The following BCHE variants were observed in gnomAD, a reference collection of about 807,000 sequenced individuals.
The protein encoded by BCHE is butyrylcholinesterase, also known as cholinesterase.
Under a neutral mutation model 51.3 loss-of-function variants are expected in BCHE, and 48 were observed. That is an observed-to-expected ratio of 0.94 (90% confidence interval 0.74 to 1.19). The LOEUF (loss-of-function observed/expected upper bound fraction) is 1.19, where lower values mean the gene tolerates loss of function less well. BCHE is among the 50% of genes most tolerant of loss of function. The pLI is 0.00. For missense variants in BCHE, 847 were observed against 708.2 expected, an observed-to-expected ratio of 1.20 and a Z score of -2.23; for synonymous variants, 251 against 238.0, an observed-to-expected ratio of 1.05 and a Z score of -0.50.
At chr3:165,826,215 G>C (rs1714715592) in intron 2 of BCHE, among the ~76,000 whole-genome samples, 1 of 152,048 alleles carries the variant, frequency 6.6e-6, no homozygotes, top group Non-Finnish European at 1.5e-5. Flanking sequence ...AATATTCGTA[G>C]AATGCTAGTC....
intron 2 of BCHE, among the ~76,000 whole-genome samples, chr3:165,805,043 G>A (rs1395514680): frequency 6.6e-6 from 1 of 152,060 alleles, no homozygotes; most frequent in Non-Finnish European, 1.5e-5. Flanking sequence ...CATATTCAAT[G>A]GATGAGTAAG....
At position 165,807,880 on chromosome 3, in the gene BCHE, A is replaced by G. The variant is rs552612999; in HGVS notation, c.1518-21569T>C. Among the ~76,000 whole-genome samples the G allele has an allele frequency of 1.6e-4, 24 of 152,272 alleles. No homozygotes were observed. In the East Asian group the frequency reaches 4.6e-3, roughly 29 times the overall value. On this transcript the variant is annotated intron_variant, in intron 2 of 3. Transcript: ENST00000264381. ...CACCTGGCTGATGTATTTTAATGCA[A>G]AAATTATTTACTCATAGTGAAAATT...
chr3:165,797,612 G>C (rs1576847832), intron 2 of BCHE, among the ~76,000 whole-genome samples: 1 of 151,928 alleles, frequency 6.6e-6, no homozygotes, highest in Non-Finnish European at 1.5e-5. Context: ...ATTTTAATAA[G>C]GGGGCAGACT....
intron 2 of BCHE, among the ~76,000 whole-genome samples, chr3:165,815,787 C>T (rs965332843): frequency 6.6e-6 from 1 of 151,946 alleles, no homozygotes; most frequent in Non-Finnish European, 1.5e-5. Flanking sequence ...TTCTATTAGA[C>T]ATTACATAAT....
At chr3:165,812,059 A>G (rs949263142) in intron 2 of BCHE, among the ~76,000 whole-genome samples, 1 of 152,046 alleles carries the variant, frequency 6.6e-6, no homozygotes, top group Non-Finnish European at 1.5e-5. Context: ...GTGAATACTG[A>G]CCTTCAAGAA....
intron 3 of BCHE, chr3:165,778,592 C>T (rs537329296): frequency 5.3e-6 from 2 of 380,750 alleles, no homozygotes; most frequent in East Asian, 7.4e-5. Context: ...CATTGAGATT[C>T]AGTGCAGGTA....
intron 2 of BCHE, among the ~76,000 whole-genome samples, chr3:165,809,400 A>G (rs192011488): frequency 2.6e-5 from 4 of 152,056 alleles, no homozygotes; most frequent in African/African-American, 9.7e-5. Context: ...TTGAATGTTC[A>G]TGTGTTTTTT....
chr3:165,833,005 G>A lies in BCHE; in HGVS notation c.-8-1964C>T, dbSNP rs181497408. ...TTGGTTCAGGGCTTGATACTTAATGGATATATCTATTTCTATATCTAATTC... is the reference window on the plus strand; with the variant it reads ...TTGGTTCAGGGCTTGATACTTAATGAATATATCTATTTCTATATCTAATTC... On this transcript the variant is annotated intron_variant, in intron 1 of 3. Coordinates refer to ENST00000264381, the MANE Select transcript of BCHE (RefSeq NM_000055.4). 3.4e-3 allele frequency among the ~76,000 whole-genome samples: 520 copies of A among 151,678 alleles called. 1 individual carries two copies. The highest frequency in any genetic ancestry group is 5.8e-3 in the Non-Finnish European group (397 of 67,914).
chr3:165,810,808 T>A (rs1024251962), intron 2 of BCHE, among the ~76,000 whole-genome samples: 1 of 152,150 alleles, frequency 6.6e-6, no homozygotes, highest in Non-Finnish European at 1.5e-5. Context: ...GTCTTTAGTA[T>A]ACTGTTAAAT....
At chr3:165,786,099 A>G (rs968087210) in intron 3 of BCHE, 46 bp downstream of exon 3, 7 of 1,576,050 alleles carry the variant, frequency 4.4e-6, no homozygotes, top group Non-Finnish European at 6.1e-6. Flanking sequence ...CCTTTTTTAC[A>G]TAACCCATCA....
chr3:165,811,484 T>G (rs1714092023), intron 2 of BCHE, among the ~76,000 whole-genome samples: 1 of 151,930 alleles, frequency 6.6e-6, no homozygotes, highest in Non-Finnish European at 1.5e-5. Flanking sequence ...ATAATAAAAT[T>G]ATTTTAAACA....
chr3:165,835,295 G>A (rs568111958), intron 1 of BCHE, among the ~76,000 whole-genome samples: 23 of 151,822 alleles, frequency 1.5e-4, no homozygotes, highest in African/African-American at 5.1e-4. Context: ...ATGTGAGTGT[G>A]ATAAAATAAT....
chr3:165,833,171 A>C (rs1715052731), intron 1 of BCHE, among the ~76,000 whole-genome samples: 1 of 152,164 alleles, frequency 6.6e-6, no homozygotes, highest in Non-Finnish European at 1.5e-5. Context: ...AAGATCAATA[A>C]AACATAATTA....
intron 3 of BCHE, among the ~76,000 whole-genome samples, chr3:165,775,169 G>A (rs569743328): frequency 4.3e-4 from 66 of 152,052 alleles, no homozygotes; most frequent in African/African-American, 1.5e-3. Context: ...AAAATTTAGT[G>A]ACTAATTTTA....
At position 165,812,615 on chromosome 3, in the gene BCHE, G is replaced by A. The variant is rs115873753; in HGVS notation, c.1517+16902C>T. ...AGAACTCAACTACTGTAGAACAATA[G>A]AAAAATAAAAAAAAGAATTAAATAT... On this transcript the variant is annotated intron_variant, in intron 2 of 3. Transcript: ENST00000264381. Among the ~76,000 whole-genome samples, 838 of 151,316 alleles carry A rather than the reference G, an allele frequency of 5.5e-3. 4 individuals are homozygous for A. Among genetic ancestry groups the A allele is most frequent in the African/African-American group, 0.019 (790 of 41,382 alleles).
rs765307050 is a variant in BCHE at position 165,830,037 on chromosome 3, T to C, written c.997A>G (p.Ile333Val). The change falls in exon 2 of 4, where the codon ATA becomes GTA. Residue 333 changes from isoleucine to valine, a missense_variant. Ile to Val is a conservative substitution (Grantham distance 29). Coordinates refer to ENST00000264381, the MANE Select transcript of BCHE (RefSeq NM_000055.4). ...DGDFLTDMPD[I>V]LLELGQFKKT... The stretch of plus-strand genomic sequence containing the variant: ...TTAAATTGTCCAAGTTCAAGTAATA[T>C]GTCTGGCATGTCAGTGAGAAAATCA... 5 of 1,613,782 alleles carry C rather than the reference T, an allele frequency of 3.1e-6. No individual in the cohort carries two copies. Among genetic ancestry groups the C allele is most frequent in the South Asian group, 2.2e-5 (2 of 91,060 alleles).
At chr3:165,778,769 A>G (rs1712570257) in intron 3 of BCHE, 2 of 411,580 alleles carry the variant, frequency 4.9e-6, no homozygotes, top group South Asian at 1.7e-5. Flanking sequence ...GTTGACAAAA[A>G]AGACTTTTTA....
In BCHE at chr3:165,792,511, A is replaced by C. The variant is rs140394809; in HGVS notation, c.1518-6200T>G. On this transcript the variant is annotated intron_variant, in intron 2 of 3. Coordinates refer to ENST00000264381, the MANE Select transcript of BCHE (RefSeq NM_000055.4). ...AAACATGAATGGGATATTTTTACTT[A>C]GTAATGATTAGTAAAATAATTGGGA... 2.6e-3 allele frequency among the ~76,000 whole-genome samples: 403 copies of C among 152,304 alleles called. 12 individuals carry two copies. In the East Asian group the frequency reaches 0.066, roughly 25 times the overall value.
At chr3:165,806,564 G>A (rs914739370) in intron 2 of BCHE, among the ~76,000 whole-genome samples, 2 of 151,906 alleles carry the variant, frequency 1.3e-5, no homozygotes, top group Admixed American at 1.3e-4. Flanking sequence ...GCTCACAGTT[G>A]GTGCTCAATA....
Sources: allele counts gnomAD v4.1 joint callset (sites outside exome capture counted in the v4.1 genomes callset), GRCh38; gene constraint gnomAD v4.1.1; transcripts MANE v1.5; gene names NCBI Gene and HGNC (gene_info 2026-07-23, HGNC 2026-07-21).